Variants in AFF3 observed in about 807,000 individuals in gnomAD.
AFF3 encodes the protein AF4/FMR2 family member 3.
In AFF3, 32 loss-of-function variants were observed where a neutral mutation model predicts 129.7. The observed-to-expected ratio is 0.25, with a 90% confidence interval of 0.19 to 0.33. AFF3 has a LOEUF of 0.33. AFF3 is among the 10% of genes least tolerant of loss of function. The probability of loss-of-function intolerance (pLI) is 1.00; values close to 1 mark genes in which losing one functional copy is unlikely to be tolerated. For synonymous variants in AFF3, 644 were observed against 635.4 expected, an observed-to-expected ratio of 1.01 and a Z score of -0.20; for missense variants, 1,373 against 1,592.0, an observed-to-expected ratio of 0.86 and a Z score of 2.34.
chr2:100,077,302 A>T (rs1688659834), intron 4 of AFF3, among the ~76,000 whole-genome samples: 1 of 152,200 alleles, frequency 6.6e-6, no homozygotes, highest in South Asian at 2.1e-4. Flanking sequence ...GGCCCAAGGT[A>T]GTCGCTAAGG....
intron 14 of AFF3, among the ~76,000 whole-genome samples, chr2:99,598,238 T>A (rs1379836830): frequency 6.6e-6 from 1 of 152,180 alleles, no homozygotes; most frequent in Non-Finnish European, 1.5e-5. Flanking sequence ...TTTTTTATTT[T>A]ATTTTTTTCC....
chr2:100,105,651 C>T (rs1245290117), intron 2 of AFF3, 68 bp from the exon 3 acceptor site: 24 of 1,343,700 alleles, frequency 1.8e-5, no homozygotes, highest in Non-Finnish European at 2.4e-5. Flanking sequence ...ATTGTAAAGA[C>T]AGCTCTTCCC....
chr2:99,676,632 GC>G (rs1340860337), intron 11 of AFF3, among the ~76,000 whole-genome samples: 1 of 152,186 alleles, frequency 6.6e-6, no homozygotes, highest in Non-Finnish European at 1.5e-5. Flanking sequence ...GGGCCTCAGA[GC>G]ATTTAAGAAA....
At chr2:99,979,242 G>T (rs913746019) in intron 7 of AFF3, among the ~76,000 whole-genome samples, 2 of 152,014 alleles carry the variant, frequency 1.3e-5, no homozygotes, top group Non-Finnish European at 2.9e-5. Context: ...GAACTCCACT[G>T]CTTTTTTTCC....
At chr2:100,090,998 A>G (rs1311169470) in intron 4 of AFF3, among the ~76,000 whole-genome samples, 3 of 152,120 alleles carry the variant, frequency 2.0e-5, no homozygotes, top group African/African-American at 4.8e-5. Flanking sequence ...CCTATATCAC[A>G]TATATTTTAA....
At chr2:99,927,980 T>A (rs1003130018) in intron 7 of AFF3, among the ~76,000 whole-genome samples, 1 of 152,080 alleles carries the variant, frequency 6.6e-6, no homozygotes, top group African/African-American at 2.4e-5. Flanking sequence ...TCTCATGAGA[T>A]CTGATGGTTT....
chr2:99,663,431 C>T (rs933521572), intron 12 of AFF3, among the ~76,000 whole-genome samples: 4 of 152,138 alleles, frequency 2.6e-5, no homozygotes, highest in Admixed American at 1.3e-4. Flanking sequence ...CTAAGAGACA[C>T]GACTATTACT....
intron 7 of AFF3, among the ~76,000 whole-genome samples, chr2:99,974,313 A>C (rs946256163): frequency 1.3e-5 from 2 of 152,196 alleles, no homozygotes; most frequent in Non-Finnish European, 2.9e-5. Flanking sequence ...GAGGAGGCTT[A>C]GTTGGTGCCT....
intron 24 of AFF3, 56 bp downstream of exon 24, chr2:99,554,255 A>G: frequency 2.5e-6 from 4 of 1,583,476 alleles, no homozygotes; most frequent in Non-Finnish European, 3.5e-6. Flanking sequence ...GAGGCAGAAG[A>G]ATCGCTTGAA....
intron 7 of AFF3, among the ~76,000 whole-genome samples, chr2:99,944,674 C>T (rs901273104): frequency 6.6e-6 from 1 of 152,072 alleles, no homozygotes; most frequent in African/African-American, 2.4e-5. Context: ...ACCATGCACG[C>T]ACATGCTACG....
chr2:99,849,877 T>A (rs562942202), intron 7 of AFF3, among the ~76,000 whole-genome samples: 33 of 152,306 alleles, frequency 2.2e-4, no homozygotes. Flanking sequence ...TGAACAGCCA[T>A]GCCTAAGGAG....
chr2:99,629,335 C>T (rs1225064813), intron 13 of AFF3, among the ~76,000 whole-genome samples: 1 of 152,162 alleles, frequency 6.6e-6, no homozygotes, highest in Non-Finnish European at 1.5e-5. Context: ...ACTCGACATA[C>T]AAAAATCACT....
intron 7 of AFF3, among the ~76,000 whole-genome samples, chr2:99,909,470 G>A (rs1694970187): frequency 6.6e-6 from 1 of 150,720 alleles, no homozygotes; most frequent in Admixed American, 6.6e-5. Context: ...TGGGGGGAGA[G>A]GAGAGGGATA....
At position 99,879,597 on chromosome 2, in the gene AFF3, C is replaced by T. The variant is rs1692547746; in HGVS notation, c.874-42073G>A. 2.0e-5 allele frequency among the ~76,000 whole-genome samples: 3 copies of T among 152,236 alleles called. No homozygotes were observed. The South Asian group carries it at 6.2e-4, about 32-fold the overall frequency. On this transcript the variant is annotated intron_variant, in intron 7 of 24. Transcript: ENST00000672756. ...TGATTTGGAGCTTTTGGATAGTTTGCTCCAAGTCAACAGGGTATAAAAGAA... is the reference window on the plus strand; with the variant it reads ...TGATTTGGAGCTTTTGGATAGTTTGTTCCAAGTCAACAGGGTATAAAAGAA...
intron 2 of AFF3, among the ~76,000 whole-genome samples, chr2:100,108,257 G>A (rs1365124045): frequency 2.0e-5 from 3 of 152,144 alleles, no homozygotes; most frequent in Non-Finnish European, 4.4e-5. Context: ...GGACAGCGTA[G>A]ATTTTAGATC....
At chr2:99,801,521 G>C (rs558961552) in intron 8 of AFF3, among the ~76,000 whole-genome samples, 2 of 152,174 alleles carry the variant, frequency 1.3e-5, no homozygotes, top group Middle Eastern at 6.3e-3. Context: ...GTAACCCGCA[G>C]ACCAAGCAGG....
At chr2:99,592,029 T>G (rs79626214) in intron 15 of AFF3, among the ~76,000 whole-genome samples, 2,410 of 152,352 alleles carry the variant, frequency 0.016, 59 homozygotes, top group African/African-American at 0.056. Flanking sequence ...GAGCCATCCA[T>G]GCATATTGCA....
At chr2:99,850,224 T>C (rs1690045475) in intron 7 of AFF3, among the ~76,000 whole-genome samples, 1 of 152,158 alleles carries the variant, frequency 6.6e-6, no homozygotes, top group Non-Finnish European at 1.5e-5. Context: ...ACCTGTAGTA[T>C]TTTTTCCTTC....
At chr2:99,916,524 G>A (rs1388485206) in intron 7 of AFF3, among the ~76,000 whole-genome samples, 1 of 152,138 alleles carries the variant, frequency 6.6e-6, no homozygotes, top group Admixed American at 6.5e-5. Flanking sequence ...ATGAGAGGCA[G>A]AGACAGAGAA....
Sources: allele counts gnomAD v4.1 joint callset (sites outside exome capture counted in the v4.1 genomes callset), GRCh38; gene constraint gnomAD v4.1.1; transcripts MANE v1.5; gene names NCBI Gene and HGNC (gene_info 2026-07-23, HGNC 2026-07-21).